Variants in C8orf34 observed in about 807,000 individuals in gnomAD.
C8orf34 encodes uncharacterized protein C8orf34.
In C8orf34, 65 loss-of-function variants were observed where a neutral mutation model predicts 68.3. That is an observed-to-expected ratio of 0.95 (90% CI 0.78 to 1.17). The LOEUF (loss-of-function observed/expected upper bound fraction) is 1.17. Among genes scored for constraint, C8orf34 ranks in the 50% most tolerant of loss-of-function variants. The pLI, the probability that C8orf34 is intolerant of heterozygous loss-of-function variation, is 0.00. For synonymous variants in C8orf34, 244 were observed against 241.2 expected, an observed-to-expected ratio of 1.01 and a Z score of -0.11; for missense variants, 664 against 655.4, an observed-to-expected ratio of 1.01 and a Z score of -0.14.
Position 68,446,277 on chromosome 8 carries a change from C to T in C8orf34, c.476-52C>T, listed in dbSNP as rs111519667. ...AATGACTTCGTGGACTTGGTTTTTG[C>T]TCAATCTTGAAATCACTTTGTTGCC... On this transcript the variant is annotated intron_variant, in intron 2 of 13. Transcript: ENST00000518698. 614 of 1,486,732 alleles carry T rather than the reference C, an allele frequency of 4.1e-4. 2 individuals carry two copies. In the African/African-American group the frequency reaches 7.4e-3, roughly 18 times the overall value. The allele number at this position is 1,486,732 out of a possible 1,614,324, so 92.1% of individuals were successfully genotyped here.
chr8:68,573,091 C>T (rs1317877753), intron 7 of C8orf34, among the ~76,000 whole-genome samples: 1 of 152,098 alleles, frequency 6.6e-6, no homozygotes, highest in African/African-American at 2.4e-5. Context: ...GGCCTCTCTT[C>T]ATGACCGACT....
intron 7 of C8orf34, among the ~76,000 whole-genome samples, chr8:68,603,991 A>G: frequency 6.6e-6 from 1 of 152,298 alleles, no homozygotes; most frequent in South Asian, 2.1e-4. Flanking sequence ...ATTAAGATAT[A>G]ATTTATGAGA....
At chr8:68,781,167 AT>A (rs1029033399) in intron 11 of C8orf34, among the ~76,000 whole-genome samples, 3 of 151,856 alleles carry the variant, frequency 2.0e-5, no homozygotes, top group African/African-American at 4.8e-5. Flanking sequence ...CAAAGAAGTA[AT>A]TTTTTTTTCT....
chr8:68,441,687 A>G (rs750959220), intron 2 of C8orf34, among the ~76,000 whole-genome samples: 3 of 152,186 alleles, frequency 2.0e-5, no homozygotes, highest in Non-Finnish European at 4.4e-5. Context: ...TTTAAAGTCA[A>G]CAAGGGCATT....
intron 12 of C8orf34, among the ~76,000 whole-genome samples, chr8:68,793,590 C>T (rs73283849): frequency 0.097 from 14,815 of 152,160 alleles, 1,004 homozygotes; most frequent in East Asian, 0.35. Flanking sequence ...CAAGTGTTCT[C>T]ACTTATAAGT....
chr8:68,368,880 T>A (rs145863241), intron 1 of C8orf34, among the ~76,000 whole-genome samples: 1 of 152,154 alleles, frequency 6.6e-6, no homozygotes, highest in Non-Finnish European at 1.5e-5. Flanking sequence ...TGGTTTAAGA[T>A]TTTTTTCCCT....
At chr8:68,589,347 T>A (rs1389061181) in intron 7 of C8orf34, among the ~76,000 whole-genome samples, 4 of 150,476 alleles carry the variant, frequency 2.7e-5, no homozygotes, top group Admixed American at 1.3e-4. Context: ...ATTAATATAG[T>A]AAGAATACAG....
intron 8 of C8orf34, among the ~76,000 whole-genome samples, chr8:68,688,894 G>T (rs1412192501): frequency 9.2e-5 from 14 of 152,016 alleles, no homozygotes; most frequent in Admixed American, 9.2e-4. Flanking sequence ...TAATACCTAC[G>T]TGATGGGTTG....
In C8orf34 at chr8:68,706,217, T is replaced by C. The variant is rs548319680; in HGVS notation, c.1242-2777T>C. Among the ~76,000 whole-genome samples, 5 of 152,280 alleles carry C rather than the reference T, an allele frequency of 3.3e-5. No individual in the cohort carries two copies. In the South Asian group the frequency reaches 1.0e-3, roughly 32 times the overall value. On this transcript the variant is annotated intron_variant, in intron 8 of 13. Transcript: ENST00000518698. ...TGTGCGGGAAAATGGTGGGTTAATA[T>C]AGGTTTGGAGTCTGCCTTCGCAGGA...
At chr8:68,562,660 CTT>C (rs773076603) in intron 7 of C8orf34, among the ~76,000 whole-genome samples, 13 of 152,088 alleles carry the variant, frequency 8.5e-5, no homozygotes, top group Non-Finnish European at 1.6e-4. Context: ...TGTAAAAGGA[CTT>C]ATTGCATGAA....
intron 7 of C8orf34, among the ~76,000 whole-genome samples, chr8:68,551,476 C>T (rs1370673733): frequency 6.6e-6 from 1 of 151,998 alleles, no homozygotes; most frequent in African/African-American, 2.4e-5. Context: ...AAATTTCAGA[C>T]TGATCATTTC....
chr8:68,618,172 T>C (rs1818283414), intron 7 of C8orf34, among the ~76,000 whole-genome samples: 1 of 152,124 alleles, frequency 6.6e-6, no homozygotes, highest in Non-Finnish European at 1.5e-5. Flanking sequence ...GTCTCTCTCT[T>C]TTTTCTTAGT....
At chr8:68,415,183 T>C (rs1378420916) in intron 1 of C8orf34, among the ~76,000 whole-genome samples, 1 of 152,086 alleles carries the variant, frequency 6.6e-6, no homozygotes, top group African/African-American at 2.4e-5. Context: ...TAAAGAAAGA[T>C]AAAAGTGTAT....
chr8:68,517,660 G>T (rs1417115152), intron 5 of C8orf34, among the ~76,000 whole-genome samples: 2 of 152,180 alleles, frequency 1.3e-5, no homozygotes, highest in South Asian at 2.1e-4. Flanking sequence ...CAACCAGGGA[G>T]TTAGTTCTGA....
At chr8:68,615,652 G>A (rs1253189462) in intron 7 of C8orf34, among the ~76,000 whole-genome samples, 4 of 152,188 alleles carry the variant, frequency 2.6e-5, no homozygotes, top group Non-Finnish European at 4.4e-5. Flanking sequence ...ACTTGATCAT[G>A]GTGGATAAGC....
chr8:68,630,840 C>T (rs993864974), intron 7 of C8orf34, among the ~76,000 whole-genome samples: 2 of 151,746 alleles, frequency 1.3e-5, no homozygotes. Flanking sequence ...AGTGCAGTGG[C>T]ACAATCAGAG....
chr8:68,481,492 C>G (rs957374999), intron 4 of C8orf34, among the ~76,000 whole-genome samples: 3 of 152,236 alleles, frequency 2.0e-5, no homozygotes, highest in African/African-American at 7.2e-5. Flanking sequence ...CAACAGCTTG[C>G]ACTGTGTGCC....
intron 5 of C8orf34, among the ~76,000 whole-genome samples, chr8:68,496,601 G>A (rs1244954423): frequency 2.0e-5 from 3 of 152,258 alleles, no homozygotes; most frequent in Non-Finnish European, 2.9e-5. Flanking sequence ...GCCGCTTGAC[G>A]CTTGCCTCAC....
At chr8:68,810,498 T>C (rs1735083480) in intron 12 of C8orf34, among the ~76,000 whole-genome samples, 2 of 152,192 alleles carry the variant, frequency 1.3e-5, no homozygotes, top group African/African-American at 4.8e-5. Context: ...AGCTCTTCTC[T>C]CCTTCTCTCT....
Sources: gnomAD v4.1 joint callset for allele counts (sites outside exome capture counted in the v4.1 genomes callset) on GRCh38, gnomAD v4.1.1 for gene constraint, MANE v1.5 for transcripts, NCBI Gene and HGNC (gene_info 2026-07-23, HGNC 2026-07-21) for gene names.